The following RSPO3 variants were observed in gnomAD, a reference collection of about 807,000 sequenced individuals.
RSPO3 encodes the protein R-spondin-3.
A neutral mutation model predicts 36.5 loss-of-function variants in RSPO3; 17 were observed. That is an observed-to-expected ratio of 0.47 (90% CI 0.32 to 0.70). The LOEUF is 0.70. Among genes scored for constraint, RSPO3 ranks in the 30% least tolerant of loss-of-function variants. RSPO3 has a pLI of 0.04. For synonymous variants in RSPO3, 108 were observed against 107.0 expected, an observed-to-expected ratio of 1.01 and a Z score of -0.06; for missense variants, 294 against 322.5, an observed-to-expected ratio of 0.91 and a Z score of 0.68.
At chr6:127,159,251 T>TA (rs1456343297) in intron 4 of RSPO3, among the ~76,000 whole-genome samples, 1 of 152,182 alleles carries the variant, frequency 6.6e-6, no homozygotes, top group Non-Finnish European at 1.5e-5. Context: ...GAATTTCCTA[T>TA]AGATGGTTTT....
intron 4 of RSPO3, among the ~76,000 whole-genome samples, chr6:127,174,483 G>C (rs1290417407): frequency 6.6e-6 from 1 of 151,826 alleles, no homozygotes; most frequent in Non-Finnish European, 1.5e-5. Context: ...GAAAGCAAAA[G>C]AAACATGTTT....
chr6:127,122,418 A>G (rs1430554877), intron 1 of RSPO3, among the ~76,000 whole-genome samples: 1 of 152,212 alleles, frequency 6.6e-6, no homozygotes, highest in Non-Finnish European at 1.5e-5. Flanking sequence ...AATGATAGCC[A>G]CAGAATCTTA....
intron 4 of RSPO3, among the ~76,000 whole-genome samples, chr6:127,177,700 GTTTAC>G (rs1321784303): frequency 1.3e-4 from 19 of 151,834 alleles, no homozygotes; most frequent in Middle Eastern, 3.4e-3. Context: ...GAAAATATTT[GTTTAC>G]TTTATTTTCA....
chr6:127,130,737 G>A (rs892937020), intron 1 of RSPO3, among the ~76,000 whole-genome samples: 2 of 150,672 alleles, frequency 1.3e-5, no homozygotes, highest in East Asian at 1.9e-4. Flanking sequence ...AAATACAAAC[G>A]GTATGGACAA....
chr6:127,134,134 T>C (rs1024968992), intron 1 of RSPO3, among the ~76,000 whole-genome samples: 2 of 152,094 alleles, frequency 1.3e-5, no homozygotes, highest in African/African-American at 4.8e-5. Context: ...AGCAGGAAGG[T>C]GGAAGGAAGA....
At chr6:127,122,372 T>C (rs755280637) in intron 1 of RSPO3, among the ~76,000 whole-genome samples, 2 of 152,212 alleles carry the variant, frequency 1.3e-5, no homozygotes, top group African/African-American at 4.8e-5. Flanking sequence ...CCAGATTGTG[T>C]GCTAATAACA....
intron 1 of RSPO3, among the ~76,000 whole-genome samples, chr6:127,148,014 G>A (rs1562244591): frequency 6.6e-6 from 1 of 152,068 alleles, no homozygotes; most frequent in Non-Finnish European, 1.5e-5. Flanking sequence ...TTTAATGAAG[G>A]AATTCTGGGG....
At chr6:127,164,043 T>C (rs1029038023) in intron 4 of RSPO3, among the ~76,000 whole-genome samples, 1 of 152,100 alleles carries the variant, frequency 6.6e-6, no homozygotes, top group African/African-American at 2.4e-5. Context: ...GGAGGAAAGC[T>C]GGCTCTGGGC....
At chr6:127,192,648 A>G (rs1775435404) in intron 4 of RSPO3, 1 of 985,272 alleles carries the variant, frequency 1.0e-6, no homozygotes, top group Non-Finnish European at 1.2e-6. Context: ...TCATAGGTAG[A>G]ACATCAAGGG....
intron 1 of RSPO3, among the ~76,000 whole-genome samples, chr6:127,142,646 A>G (rs534797746): frequency 3.4e-4 from 52 of 152,322 alleles, no homozygotes; most frequent in African/African-American, 1.2e-3. Flanking sequence ...GATTGATTTC[A>G]TAATTAAGCA....
chr6:127,138,237 G>T (rs1179756812), intron 1 of RSPO3, among the ~76,000 whole-genome samples: 1 of 151,892 alleles, frequency 6.6e-6, no homozygotes. Context: ...TGGTTTCTCG[G>T]TACCATATTG....
Position 127,197,500 on chromosome 6 carries a change from G to T in RSPO3, c.*1493G>T. On this transcript the variant is annotated 3_prime_UTR_variant, in exon 5 of 5. Coordinates refer to ENST00000356698, the MANE Select transcript of RSPO3 (RefSeq NM_032784.5). ...CACAGCCCACCCCTTGCAGGAGGAG[G>T]TATCTCTGAGTGTGCAGCACAGAAT... is the stretch of plus-strand genomic sequence containing the variant. The T allele has an allele frequency of 6.4e-7, 1 of 1,550,548 alleles. No homozygotes were observed. Among genetic ancestry groups the T allele is most frequent in the Non-Finnish European group, 8.7e-7 (1 of 1,146,968 alleles).
In RSPO3 at chr6:127,119,206, T is replaced by C; in HGVS notation, c.14T>C (p.Leu5Pro). 1 of 1,613,322 alleles carries C rather than the reference T, an allele frequency of 6.2e-7. No homozygotes were observed. The highest frequency in any genetic ancestry group is 1.7e-5 in the Admixed American group (1 of 60,000). Residue 5 changes from leucine (L) to proline (P), a missense_variant, in exon 1 of 5, where the codon CTG (leucine) becomes CCG (proline). Transcript: ENST00000356698. The stretch of plus-strand genomic sequence containing the variant: ...TACTGGGTTACTATGCACTTGCGAC[T>C]GATTTCTTGGCTTTTTATCATTTTG... MHLRLISWLFIILNF... is the reference protein window; with the variant it reads MHLRPISWLFIILNF...
chr6:127,128,657 A>G (rs2114544007), intron 1 of RSPO3, among the ~76,000 whole-genome samples: 1 of 152,196 alleles, frequency 6.6e-6, no homozygotes, highest in Middle Eastern at 3.4e-3. Flanking sequence ...TAAAATATAA[A>G]GTATTCTGAT....
chr6:127,119,957 G>C (rs1036214414), intron 1 of RSPO3: 3 of 152,656 alleles, frequency 2.0e-5, no homozygotes, highest in Non-Finnish European at 4.4e-5. Context: ...CCCCAGCTGT[G>C]GGGAGCCGGA....
chr6:127,186,664 T>G (rs1259653442), intron 4 of RSPO3, among the ~76,000 whole-genome samples: 2 of 152,160 alleles, frequency 1.3e-5, no homozygotes, highest in Non-Finnish European at 2.9e-5. Context: ...GGCAGTACTT[T>G]AAACTTAGTC....
At chr6:127,161,090 G>A (rs945711816) in intron 4 of RSPO3, among the ~76,000 whole-genome samples, 1 of 151,588 alleles carries the variant, frequency 6.6e-6, no homozygotes, top group Non-Finnish European at 1.5e-5. Context: ...ATCCATGTAG[G>A]TGAAAACATT....
intron 4 of RSPO3, among the ~76,000 whole-genome samples, chr6:127,168,203 G>C (rs1184825286): frequency 6.6e-6 from 1 of 152,094 alleles, no homozygotes; most frequent in Non-Finnish European, 1.5e-5. Context: ...GGTTGAACTA[G>C]TTTACAGTCC....
chr6:127,131,768 G>A (rs2114549757), intron 1 of RSPO3, among the ~76,000 whole-genome samples: 1 of 152,210 alleles, frequency 6.6e-6, no homozygotes, highest in African/African-American at 2.4e-5. Flanking sequence ...AACTCATGGA[G>A]GATCAAGTCA....
Sources: allele counts gnomAD v4.1 joint callset (sites outside exome capture counted in the v4.1 genomes callset), GRCh38; gene constraint gnomAD v4.1.1; transcripts MANE v1.5; gene names NCBI Gene and HGNC (gene_info 2026-07-23, HGNC 2026-07-21).